The following PROM1 variants were observed in gnomAD, a reference collection of about 807,000 sequenced individuals.
PROM1 encodes the protein prominin 1.
In PROM1, 105 loss-of-function variants were observed where a neutral mutation model predicts 116.9. The ratio of observed to expected loss-of-function variants is 0.90; its 90% CI spans 0.77 to 1.06. PROM1 has a LOEUF of 1.06. Ranked by LOEUF, PROM1 falls within the 50% of genes least tolerant of loss-of-function variation. The probability of loss-of-function intolerance (pLI) is 0.00; values close to 1 mark genes in which losing one functional copy is unlikely to be tolerated. For synonymous variants in PROM1, 393 were observed against 387.0 expected, an observed-to-expected ratio of 1.02 and a Z score of -0.18; for missense variants, 1,122 against 1,045.2, an observed-to-expected ratio of 1.07 and a Z score of -1.01.
At position 15,973,199 on chromosome 4, in the gene PROM1, GC is replaced by G. The variant is rs561999553; in HGVS notation, c.2583-2118del. ...AATCTGGCCAAGCGCAGTGGCTCAT[GC>G]CTGTAATCTAGCAATTTGGGTAGAT... is the stretch of plus-strand genomic sequence containing the variant. On this transcript the variant is annotated intron_variant, in intron 26 of 27. Coordinates refer to ENST00000447510, the MANE Select transcript of PROM1 (RefSeq NM_006017.3). Among the ~76,000 whole-genome samples the G allele has an allele frequency of 2.6e-3, 394 of 152,300 alleles. 2 individuals are homozygous for G. Among genetic ancestry groups the G allele is most frequent in the Admixed American group, 5.5e-3 (84 of 15,308 alleles).
At chr4:16,035,496 C>A (rs1361059702) in intron 4 of PROM1, among the ~76,000 whole-genome samples, 1 of 152,216 alleles carries the variant, frequency 6.6e-6, no homozygotes, top group Non-Finnish European at 1.5e-5. Flanking sequence ...GCCGACTAGA[C>A]GAAGGCCTGT....
At chr4:16,004,832 T>C (rs140131942) in intron 13 of PROM1, among the ~76,000 whole-genome samples, 233 of 122,574 alleles carry the variant, frequency 1.9e-3, no homozygotes, top group African/African-American at 4.4e-3. Flanking sequence ...TCTTTCTTTT[T>C]CTTCCTTCCT....
chr4:16,075,617 T>C (rs887589527), intron 2 of PROM1, 70 bp downstream of exon 2: 25 of 1,398,784 alleles, frequency 1.8e-5, no homozygotes, highest in Non-Finnish European at 2.5e-5. Context: ...TTGATTGCAT[T>C]GACATTAAAA....
intron 14 of PROM1, 142 bp from the exon 15 acceptor site, chr4:15,998,630 A>G (rs766347492): frequency 7.2e-5 from 62 of 862,346 alleles, no homozygotes; most frequent in Non-Finnish European, 9.9e-5. Flanking sequence ...ACTTATAACT[A>G]GAAAATAATA....
chr4:15,971,167 G>T, intron 26 of PROM1, 85 bp from the exon 27 acceptor site: 2 of 1,157,698 alleles, frequency 1.7e-6, no homozygotes, highest in South Asian at 1.4e-5. Flanking sequence ...AAGCAGGCAT[G>T]TGACTAAAGG....
chr4:16,025,732 C>G (rs1001782956), intron 5 of PROM1, among the ~76,000 whole-genome samples: 1 of 152,168 alleles, frequency 6.6e-6, no homozygotes, highest in Non-Finnish European at 1.5e-5. Context: ...CACACACACA[C>G]ACACACACTT....
intron 2 of PROM1, among the ~76,000 whole-genome samples, chr4:16,049,143 C>T (rs562547947): frequency 5.9e-5 from 9 of 152,346 alleles, no homozygotes; most frequent in East Asian, 5.8e-4. Flanking sequence ...TGGATTCCGA[C>T]GGCATTTCTT....
rs747755560 is a variant in PROM1 at position 16,000,551 on chromosome 4, C to T, written c.1523G>A (p.Gly508Asp). The T allele has an allele frequency of 6.3e-7, 1 of 1,592,456 alleles. No homozygotes were observed. The change falls in exon 14 of 28, where the codon GGT becomes GAT. Residue 508 changes from glycine to aspartate, a missense_variant. Transcript: ENST00000447510. ...ACAGATCAGTTTTTCCACATTTGCACCAAAGACAAAGGTAAGAACCACAAT... is the reference window on the plus strand; with the variant it reads ...ACAGATCAGTTTTTCCACATTTGCATCAAAGACAAAGGTAAGAACCACAAT... The part of the protein sequence containing the change: ...MIIVVLTFVF[G>D]ANVEKLICEP...
chr4:15,996,740 G>A (rs538461863), intron 15 of PROM1, among the ~76,000 whole-genome samples: 2 of 152,054 alleles, frequency 1.3e-5, no homozygotes, highest in African/African-American at 2.4e-5. Context: ...AAATGATGGC[G>A]AATACTACTA....
intron 18 of PROM1, 109 bp downstream of exon 18, chr4:15,991,113 A>C (rs1720871971): frequency 4.9e-6 from 4 of 822,334 alleles, no homozygotes. Flanking sequence ...GTTTATGAAC[A>C]AGGGATTACT....
intron 2 of PROM1, among the ~76,000 whole-genome samples, chr4:16,073,607 C>T (rs1248132617): frequency 6.6e-6 from 1 of 151,904 alleles, no homozygotes; most frequent in African/African-American, 2.4e-5. Flanking sequence ...AATAATTTTT[C>T]CTCCCAAAGA....
At chr4:15,999,227 T>G (rs1020714425) in intron 14 of PROM1, among the ~76,000 whole-genome samples, 37 of 151,976 alleles carry the variant, frequency 2.4e-4, no homozygotes, top group Non-Finnish European at 4.9e-4. Context: ...ATCCCAGCAC[T>G]TTGGGAGGCC....
intron 13 of PROM1, 94 bp from the exon 14 acceptor site, chr4:16,000,713 C>G: frequency 9.1e-7 from 1 of 1,099,852 alleles, no homozygotes; most frequent in Non-Finnish European, 1.2e-6. Context: ...ATAAAATAGC[C>G]CTGGGGTCTT....
intron 5 of PROM1, among the ~76,000 whole-genome samples, 183 bp from the exon 6 acceptor site, chr4:16,025,495 T>C (rs1731032506): frequency 6.6e-6 from 1 of 152,114 alleles, no homozygotes; most frequent in African/African-American, 2.4e-5. Context: ...ACCACCCACG[T>C]AGGGGCTACA....
intron 1 of PROM1, among the ~76,000 whole-genome samples, chr4:16,077,570 C>A (rs1440053729): frequency 6.6e-6 from 1 of 151,968 alleles, no homozygotes; most frequent in Non-Finnish European, 1.5e-5. Flanking sequence ...TTTTCTTTTC[C>A]AAGTCTCTCG....
At chr4:15,974,678 C>T (rs778636418) in intron 26 of PROM1, among the ~76,000 whole-genome samples, 17 of 151,980 alleles carry the variant, frequency 1.1e-4, no homozygotes, top group Non-Finnish European at 2.5e-4. Flanking sequence ...GTTGTGTTGC[C>T]CAGGCTGGTT....
At chr4:15,990,897 C>T (rs1720812028) in intron 18 of PROM1, among the ~76,000 whole-genome samples, 1 of 152,238 alleles carries the variant, frequency 6.6e-6, no homozygotes, top group Non-Finnish European at 1.5e-5. Flanking sequence ...TGTCCCTAGG[C>T]TGCTACTTTC....
At chr4:16,025,128 A>T in intron 6 of PROM1, 64 bp downstream of exon 6, 1 of 1,534,112 alleles carries the variant, frequency 6.5e-7, no homozygotes, top group Non-Finnish European at 8.9e-7. Flanking sequence ...TTCCAAATAT[A>T]CACAGGAACT....
chr4:16,077,579 C>T (rs1398991258), intron 1 of PROM1, among the ~76,000 whole-genome samples: 4 of 152,190 alleles, frequency 2.6e-5, no homozygotes, highest in Non-Finnish European at 5.9e-5. Context: ...CCAAGTCTCT[C>T]GTTCCACCTA....
Sources: allele counts gnomAD v4.1 joint callset (sites outside exome capture counted in the v4.1 genomes callset), GRCh38; gene constraint gnomAD v4.1.1; transcripts MANE v1.5; gene names NCBI Gene and HGNC (gene_info 2026-07-23, HGNC 2026-07-21).